Variants in PDGFA observed in about 807,000 individuals in gnomAD.
PDGFA encodes the protein platelet derived growth factor subunit A, also known as platelet-derived growth factor subunit A.
Under a neutral mutation model 25.6 loss-of-function variants are expected in PDGFA, and 9 were observed. The observed-to-expected ratio is 0.35, with a 90% CI of 0.21 to 0.61. The LOEUF is 0.61. PDGFA is among the 20% of genes least tolerant of loss of function. The pLI is 0.75. For synonymous variants in PDGFA, 133 were observed against 111.8 expected (o/e 1.19, Z -1.20); for missense variants, 242 against 272.8 (o/e 0.89, Z 0.79).
Position 517,856 on chromosome 7 carries a change from C to T in PDGFA, c.64-366G>A, listed in dbSNP as rs1409606926. Among the ~76,000 whole-genome samples, 1 of 152,014 alleles carries T rather than the reference C, an allele frequency of 6.6e-6. No homozygotes were observed. The highest frequency in any genetic ancestry group is 2.4e-5 in the African/African-American group (1 of 41,380). ...GTTTCTGATTTAATAGTGAGATCAA[C>T]ATCTAGAAAGATCAAGTTAAAATGC... On this transcript the variant is annotated intron_variant, in intron 1 of 5. Transcript: ENST00000402802. This position sits in a 1 kb window ranked among gnomAD's most constrained non-coding sequence, Gnocchi z 7.4.
upstream of PDGFA, among the ~76,000 whole-genome samples, chr7:519,594 C>G (rs1041570946): frequency 3.2e-4 from 47 of 145,924 alleles, 2 homozygotes; most frequent in South Asian, 7.7e-3. Flanking sequence ...CCCAGCACCC[C>G]CTCCGCGGCG....
chr7:516,466 CT>C (rs1426814571), intron 2 of PDGFA, among the ~76,000 whole-genome samples: 2 of 152,162 alleles, frequency 1.3e-5, no homozygotes, highest in African/African-American at 4.8e-5. Flanking sequence ...ATTCTGCTGC[CT>C]TTAGTTACTC....
chr7:501,847 G>A (rs534542805), intron 4 of PDGFA, among the ~76,000 whole-genome samples: 6 of 152,344 alleles, frequency 3.9e-5, no homozygotes, highest in African/African-American at 1.4e-4. Flanking sequence ...GTTCTGGGGT[G>A]CAGGTGGCCA....
At chr7:520,236 A>G, upstream of PDGFA, 2 of 210,978 alleles carry the variant, frequency 9.5e-6, no homozygotes, top group South Asian at 9.4e-5. Flanking sequence ...CAGCGCCCAG[A>G]GCTGCTGCGC....
At chr7:501,278 G>A (rs751561974) in intron 4 of PDGFA, 36 bp from the exon 5 acceptor site, 1 of 1,612,258 alleles carries the variant, frequency 6.2e-7, no homozygotes, top group Non-Finnish European at 8.5e-7. Flanking sequence ...ATGAATGCCT[G>A]CATGGAGCTT....
At chr7:507,594 T>C (rs1782615398) in intron 4 of PDGFA, among the ~76,000 whole-genome samples, 1 of 152,178 alleles carries the variant, frequency 6.6e-6, no homozygotes, top group South Asian at 2.1e-4. Flanking sequence ...GGCTGAGCCA[T>C]GGGCTGAGAG....
At chr7:515,520 G>T (rs1399608588) in intron 2 of PDGFA, among the ~76,000 whole-genome samples, 1 of 152,106 alleles carries the variant, frequency 6.6e-6, no homozygotes, top group Admixed American at 6.5e-5. Flanking sequence ...ACAGGACCAA[G>T]GAGGCCCCCC....
At chr7:518,138 AG>A (rs1295345178) in intron 1 of PDGFA, among the ~76,000 whole-genome samples, 1 of 152,146 alleles carries the variant, frequency 6.6e-6, no homozygotes, top group East Asian at 1.9e-4. Context: ...AGAAGCCTCC[AG>A]GGAAAGCGAG....
exon 4 of PDGFA, chr7:510,971 C>A: frequency 3.1e-6 from 5 of 1,612,762 alleles, no homozygotes; most frequent in Non-Finnish European, 4.2e-6. Context: ...CCGTCCTGGT[C>A]TTGCAGACAG....
At chr7:515,340 A>G (rs1583158745) in intron 2 of PDGFA, among the ~76,000 whole-genome samples, 1 of 152,160 alleles carries the variant, frequency 6.6e-6, no homozygotes, top group African/African-American at 2.4e-5. Context: ...TGCTTACCCA[A>G]TGAGAACTGA....
Position 500,601 on chromosome 7 carries a change from G to A in PDGFA, c.580+515C>T. On this transcript the variant is annotated intron_variant, in intron 5 of 5. Coordinates refer to ENST00000402802, the Ensembl canonical transcript of PDGFA. This position sits in a 1 kb window ranked among gnomAD's most constrained non-coding sequence, Gnocchi z 5.0. Reference sequence around the variant, plus strand: ...ACGGCATTTGTTTATCTTTCCAGAAGAGAAGGCCAGCACCCTGGCACCGAG... The same window carrying A: ...ACGGCATTTGTTTATCTTTCCAGAAAAGAAGGCCAGCACCCTGGCACCGAG... The A allele has an allele frequency of 6.3e-7, 1 of 1,580,910 alleles. No individual in the cohort carries two copies. Among genetic ancestry groups the A allele is most frequent in the South Asian group, 1.1e-5 (1 of 87,650 alleles).
In PDGFA at chr7:500,919, C is replaced by G. The variant is rs1212812843; in HGVS notation, c.580+197G>C. ...CAGTGCCGCAGCTTGGGCCACCCTC[C>G]CCACCGGACACCTGCAGGTGTGGGA... On this transcript the variant is annotated intron_variant, in intron 5 of 5. Transcript: ENST00000402802. The surrounding 1 kb of genome is among the most constrained non-coding windows in gnomAD (Gnocchi z 5.0). 1 of 1,588,368 alleles carries G rather than the reference C, an allele frequency of 6.3e-7. No individual in the cohort carries two copies. Among genetic ancestry groups the G allele is most frequent in the Admixed American group, 1.7e-5 (1 of 58,846 alleles).
intron 4 of PDGFA, among the ~76,000 whole-genome samples, chr7:502,137 G>T (rs13225445): frequency 6.6e-6 from 1 of 152,012 alleles, no homozygotes; most frequent in African/African-American, 2.4e-5. Flanking sequence ...TAGGAGGATC[G>T]CTTGAGCCCA....
In PDGFA at chr7:500,570, A is replaced by C. The variant is rs1382455068; in HGVS notation, c.580+546T>G. 16 of 1,610,714 alleles carry C rather than the reference A, an allele frequency of 9.9e-6. No individual in the cohort carries two copies. Among genetic ancestry groups the C allele is most frequent in the Non-Finnish European group, 1.4e-5 (16 of 1,179,130 alleles). On this transcript the variant is annotated intron_variant, in intron 5 of 5. Coordinates refer to ENST00000402802, the Ensembl canonical transcript of PDGFA. The surrounding 1 kb of genome is among the most constrained non-coding windows in gnomAD (Gnocchi z 5.0). ...TCGGGGTGAAGAACTGAAGCAACAA[A>C]TACCTACGGCATTTGTTTATCTTTC... is the stretch of plus-strand genomic sequence containing the variant.
At chr7:514,521 C>T (rs1345321043) in intron 2 of PDGFA, among the ~76,000 whole-genome samples, 1 of 152,148 alleles carries the variant, frequency 6.6e-6, no homozygotes, top group African/African-American at 2.4e-5. Context: ...CAGCCCAGGC[C>T]CAGGTGGCCT....
chr7:519,379 T>A, exon 1 of PDGFA: 1 of 207,814 alleles, frequency 4.8e-6, no homozygotes, highest in Non-Finnish European at 9.6e-6. Context: ...GGCCGGTAAT[T>A]CTGCATATTT....
chr7:503,054 C>G (rs1782417713), intron 4 of PDGFA, among the ~76,000 whole-genome samples: 1 of 152,138 alleles, frequency 6.6e-6, no homozygotes, highest in South Asian at 2.1e-4. Context: ...TATTGGCTCT[C>G]CCAGCCCAAA....
rs1393314688 is a variant in PDGFA, at chr7:517,560, G to A, written c.64-70C>T. The A allele has an allele frequency of 7.0e-6, 4 of 568,510 alleles. No homozygotes were observed. Among genetic ancestry groups the A allele is most frequent in the Non-Finnish European group, 9.1e-6 (4 of 438,268 alleles). 35.2% of individuals were successfully genotyped at this position (568,510 alleles called of 1,614,324 possible). A position where few individuals can be genotyped will look rare whatever the true frequency, so the allele number is the denominator to read the frequency against. ...GCCGGCACGCGCCCCCGGCCGCCAG[G>A]AGCGCCGCCGCCCCGGGCCCGAGGA... On this transcript the variant is annotated intron_variant, in intron 1 of 5. Coordinates refer to ENST00000402802, the Ensembl canonical transcript of PDGFA. The surrounding 1 kb of genome is among the most constrained non-coding windows in gnomAD (Gnocchi z 7.4).
At chr7:508,101 G>A (rs377137276) in intron 4 of PDGFA, among the ~76,000 whole-genome samples, 3 of 152,088 alleles carry the variant, frequency 2.0e-5, no homozygotes, top group Non-Finnish European at 2.9e-5. Context: ...TAAAGTGCCC[G>A]GTCGTGTGAC....
Sources: gnomAD v4.1 joint callset for allele counts (sites outside exome capture counted in the v4.1 genomes callset) on GRCh38, gnomAD v4.1.1 for gene constraint, Gnocchi (gnomAD v3.1) non-coding constraint, MANE v1.5 for transcripts, NCBI Gene and HGNC (gene_info 2026-07-23, HGNC 2026-07-21) for gene names.